MB21D2: variants seen among roughly 807,000 people sequenced by gnomAD.
MB21D2 encodes the protein Mab-21 domain containing 2, also known as nucleotidyltransferase MB21D2.
A neutral mutation model predicts 33.3 loss-of-function variants in MB21D2; 9 were observed. The ratio of observed to expected loss-of-function variants is 0.27; its 90% CI spans 0.16 to 0.47. MB21D2 has a LOEUF of 0.47. Among genes scored for constraint, MB21D2 ranks in the 20% least tolerant of loss-of-function variants. The pLI is 0.99. For missense variants in MB21D2, 540 were observed against 624.6 expected (o/e 0.86, Z 1.44); for synonymous variants, 241 against 236.3 (o/e 1.02, Z -0.18).
Position 192,799,154 on chromosome 3 carries a change from G to A in MB21D2, c.708C>T (p.Val236=), listed in dbSNP as rs1720589535. The A allele has an allele frequency of 6.2e-7, 1 of 1,614,198 alleles. No homozygotes were observed. Among genetic ancestry groups the A allele is most frequent in the Non-Finnish European group, 8.5e-7 (1 of 1,180,050 alleles). ...VGSSRMLYDI[V]PVVSFKGWPA... is the part of the protein sequence containing the mutation. ...GCCAACCTTTGAAAGATACCACAGG[G>A]ACAATATCATACAACATGCGACTAC... The change falls in exon 2 of 2, where the codon GTC becomes GTT. Residue 236 remains valine (V), a synonymous_variant. Transcript: ENST00000392452. This position sits in a 1 kb window ranked among gnomAD's most constrained non-coding sequence, Gnocchi z 4.1.
chr3:192,838,517 C>T (rs992957014), intron 1 of MB21D2, among the ~76,000 whole-genome samples: 6 of 151,572 alleles, frequency 4.0e-5, no homozygotes, highest in Non-Finnish European at 8.8e-5. Flanking sequence ...CAAACTCCGC[C>T]TCCCGGGTTC....
intron 1 of MB21D2, among the ~76,000 whole-genome samples, chr3:192,858,016 C>G (rs1369104403): frequency 6.6e-6 from 1 of 151,974 alleles, no homozygotes; most frequent in African/African-American, 2.4e-5. Context: ...TCCCAGCTAC[C>G]GGGGAGGCTG....
rs1711858232 is a variant in MB21D2, at chr3:192,814,200, A to G, written c.212-14550T>C. Among the ~76,000 whole-genome samples the G allele has an allele frequency of 2.6e-5, 4 of 152,298 alleles. 1 individual carries two copies. In the South Asian group the frequency reaches 8.3e-4, roughly 32 times the overall value. On this transcript the variant is annotated intron_variant, in intron 1 of 1. Coordinates refer to ENST00000392452, the MANE Select transcript of MB21D2 (RefSeq NM_178496.4). ...AGTATTTCCATCGTATAAAGTTGGA[A>G]TGTTTGATACATCCAGAAGTTCAGA...
chr3:192,900,866 C>T (rs1260506046), intron 1 of MB21D2, among the ~76,000 whole-genome samples: 2 of 151,448 alleles, frequency 1.3e-5, no homozygotes, highest in South Asian at 2.1e-4. Context: ...ACTTGAACCC[C>T]GGAGGCAGAG....
At chr3:192,837,149 C>T (rs183688992) in intron 1 of MB21D2, among the ~76,000 whole-genome samples, 1 of 152,192 alleles carries the variant, frequency 6.6e-6, no homozygotes, top group Admixed American at 6.5e-5. Flanking sequence ...CATCTGTTGA[C>T]CAGAGTAAGT....
chr3:192,896,611 T>C (rs1713978996), intron 1 of MB21D2, among the ~76,000 whole-genome samples: 1 of 152,180 alleles, frequency 6.6e-6, no homozygotes, highest in Non-Finnish European at 1.5e-5. Flanking sequence ...TCTCAGACAA[T>C]GAAAACTTAA....
chr3:192,901,413 C>CAAAAAAAAAAAAAAA (rs71635401), intron 1 of MB21D2, among the ~76,000 whole-genome samples: 20 of 100,742 alleles, frequency 2.0e-4, no homozygotes, highest in African/African-American at 5.7e-4. Context: ...ACTAAAAATT[C>CAAAAAAAAAAAAAAA]AAAAAAAAAA....
intron 1 of MB21D2, among the ~76,000 whole-genome samples, chr3:192,830,528 C>T (rs1466612439): frequency 6.6e-6 from 1 of 152,186 alleles, no homozygotes; most frequent in Non-Finnish European, 1.5e-5. Flanking sequence ...TCATACACCC[C>T]TTTCTGCAAA....
intron 1 of MB21D2, among the ~76,000 whole-genome samples, chr3:192,802,523 C>T (rs966938381): frequency 6.6e-6 from 1 of 152,126 alleles, no homozygotes; most frequent in African/African-American, 2.4e-5. Context: ...TTTTTTAAAG[C>T]CAAACTTAAT....
At chr3:192,872,179 C>T (rs1037691549) in intron 1 of MB21D2, among the ~76,000 whole-genome samples, 50 of 152,212 alleles carry the variant, frequency 3.3e-4, no homozygotes, top group African/African-American at 1.1e-3. Context: ...GATTTGAGGT[C>T]GTTTACAATA....
At chr3:192,844,179 G>A (rs1041036352) in intron 1 of MB21D2, among the ~76,000 whole-genome samples, 3 of 152,216 alleles carry the variant, frequency 2.0e-5, no homozygotes, top group South Asian at 4.1e-4. Flanking sequence ...ATGCAGCCAG[G>A]CACTCTCACT....
chr3:192,873,537 C>T (rs933332064), intron 1 of MB21D2, among the ~76,000 whole-genome samples: 4 of 152,094 alleles, frequency 2.6e-5, no homozygotes, highest in African/African-American at 9.7e-5. Flanking sequence ...CGCAACCTTC[C>T]CTTCATCCCA....
At chr3:192,809,743 G>A (rs1001325607) in intron 1 of MB21D2, among the ~76,000 whole-genome samples, 3 of 152,194 alleles carry the variant, frequency 2.0e-5, no homozygotes, top group East Asian at 1.9e-4. Context: ...GGAAAGAGAC[G>A]ATTATAGATG....
chr3:192,828,903 C>G (rs776561502), intron 1 of MB21D2, among the ~76,000 whole-genome samples: 1 of 151,560 alleles, frequency 6.6e-6, no homozygotes, highest in African/African-American at 2.4e-5. Flanking sequence ...CCCGCCTCGG[C>G]CTTCCAAAGT....
At position 192,867,194 on chromosome 3, in the gene MB21D2, T is replaced by C. The variant is rs80240381; in HGVS notation, c.211+50436A>G. Among the ~76,000 whole-genome samples, 1,506 of 151,844 alleles carry C rather than the reference T, an allele frequency of 9.9e-3. 28 individuals carry two copies. Among genetic ancestry groups the C allele is most frequent in the African/African-American group, 0.034 (1,412 of 41,390 alleles). On this transcript the variant is annotated intron_variant, in intron 1 of 1. Coordinates refer to ENST00000392452, the MANE Select transcript of MB21D2 (RefSeq NM_178496.4). Reference sequence around the variant, plus strand: ...GCTGCTCAAATAAGGAGCTGTAATCTTCAGCCCCTTGTACCCCGACCTCCA... The same window carrying C: ...GCTGCTCAAATAAGGAGCTGTAATCCTCAGCCCCTTGTACCCCGACCTCCA...
chr3:192,807,827 T>A (rs983555962), intron 1 of MB21D2, among the ~76,000 whole-genome samples: 4 of 152,136 alleles, frequency 2.6e-5, no homozygotes, highest in Non-Finnish European at 4.4e-5. Context: ...TGCTGATGAT[T>A]TAGTGAGAAA....
chr3:192,890,264 A>G (rs750928026), intron 1 of MB21D2, among the ~76,000 whole-genome samples: 6 of 152,092 alleles, frequency 3.9e-5, no homozygotes, highest in Non-Finnish European at 5.9e-5. Flanking sequence ...CATTGTGTAG[A>G]TGATCTATTT....
chr3:192,799,734 T>C lies in MB21D2; in HGVS notation c.212-84A>G, dbSNP rs926668523. 9.2e-6 allele frequency: 13 copies of C among 1,407,446 alleles called. No individual in the cohort carries two copies. The Admixed American group carries it at 2.6e-4, about 28-fold the overall frequency. 87.2% of individuals were successfully genotyped at this position (1,407,446 alleles called of 1,614,324 possible). A position where few individuals can be genotyped will look rare whatever the true frequency, so the allele number is the denominator to read the frequency against. On this transcript the variant is annotated intron_variant, in intron 1 of 1. Coordinates refer to ENST00000392452, the MANE Select transcript of MB21D2 (RefSeq NM_178496.4). This position sits in a 1 kb window ranked among gnomAD's most constrained non-coding sequence, Gnocchi z 4.1. ...ATGCATGAAACAGAATGCTCTGATG[T>C]TCCAAGAACCAAAACTCATTATCAG...
At chr3:192,823,338 C>T (rs892341009) in intron 1 of MB21D2, among the ~76,000 whole-genome samples, 4 of 152,148 alleles carry the variant, frequency 2.6e-5, no homozygotes, top group Non-Finnish European at 5.9e-5. Context: ...TTCCTAACTG[C>T]GTCTACTCGC....
Sources: gnomAD v4.1 joint callset for allele counts (sites outside exome capture counted in the v4.1 genomes callset) on GRCh38, gnomAD v4.1.1 for gene constraint, Gnocchi (gnomAD v3.1) non-coding constraint, MANE v1.5 for transcripts, NCBI Gene and HGNC (gene_info 2026-07-23, HGNC 2026-07-21) for gene names.